The following CCDC152 variants were observed in gnomAD, a reference collection of about 807,000 sequenced individuals.
CCDC152 encodes the protein coiled-coil domain-containing protein 152.
In CCDC152, 37 loss-of-function variants were observed where a neutral mutation model predicts 38.1. That is an observed-to-expected ratio of 0.97 (90% CI 0.75 to 1.28). The LOEUF (loss-of-function observed/expected upper bound fraction) is 1.28, where lower values mean the gene tolerates loss of function less well. CCDC152 is among the 50% of genes most tolerant of loss of function. The pLI is 0.00. For missense variants in CCDC152, 259 were observed against 292.1 expected (o/e 0.89, Z 0.83); for synonymous variants, 83 against 87.1 (o/e 0.95, Z 0.26).
chr5:42,786,897 G>GT (rs1230786274), intron 6 of CCDC152, among the ~76,000 whole-genome samples: 3 of 151,498 alleles, frequency 2.0e-5, no homozygotes, highest in Non-Finnish European at 3.0e-5. Context: ...TTTTGTTGTT[G>GT]TTTTTTACCT....
intron 6 of CCDC152, among the ~76,000 whole-genome samples, chr5:42,786,519 C>T (rs1352626185): frequency 6.6e-6 from 1 of 152,026 alleles, no homozygotes; most frequent in African/African-American, 2.4e-5. Flanking sequence ...ACTTCTGTTT[C>T]TCTCTGTTTT....
intron 6 of CCDC152, among the ~76,000 whole-genome samples, chr5:42,790,446 G>A (rs1759984127): frequency 6.6e-6 from 1 of 152,124 alleles, no homozygotes; most frequent in Non-Finnish European, 1.5e-5. Flanking sequence ...CATTATTACT[G>A]GGACTATAAA....
At chr5:42,796,333 T>C (rs1395041094) in intron 6 of CCDC152, among the ~76,000 whole-genome samples, 1 of 151,762 alleles carries the variant, frequency 6.6e-6, no homozygotes, top group Non-Finnish European at 1.5e-5. Flanking sequence ...AAATAAAAGA[T>C]TTTCTTGAGC....
rs1470528917 is a variant in CCDC152 at position 42,759,180 on chromosome 5, T to A, written c.59T>A (p.Leu20His). Reference protein sequence around the residue: ...KKISSVNLDKLINDFSQIEKK... With the variant: ...KKISSVNLDKHINDFSQIEKK... ...ATTAGCAGTGTGAATCTTGACAAAC[T>A]TATAAATGACTTCTCACAGATAGAA... Residue 20 changes from leucine (L) to histidine (H), a missense_variant, in exon 2 of 9, where the codon CTT (leucine) becomes CAT (histidine). Leu to His is a moderately conservative substitution (Grantham distance 99). Coordinates refer to ENST00000361970, the MANE Select transcript of CCDC152 (RefSeq NM_001134848.2). The A allele has an allele frequency of 6.5e-7, 1 of 1,550,086 alleles. No individual in the cohort carries two copies. Among genetic ancestry groups the A allele is most frequent in the East Asian group, 2.4e-5 (1 of 40,838 alleles).
chr5:42,762,910 T>A (rs1759572678), intron 3 of CCDC152, among the ~76,000 whole-genome samples: 1 of 152,192 alleles, frequency 6.6e-6, no homozygotes, highest in African/African-American at 2.4e-5. Flanking sequence ...AAATGTCAAA[T>A]GTGTCAAAAA....
Position 42,794,849 on chromosome 5 carries a change from TAAGTC to T in CCDC152, c.431-1975_431-1971del, listed in dbSNP as rs556820155. ...AAGTACTAATTTTATTAAATTCTAA[TAAGTC>T]AAGTAGGCATGCCATAAACTCTAAG... On this transcript the variant is annotated intron_variant, in intron 6 of 8. Coordinates refer to ENST00000361970, the MANE Select transcript of CCDC152 (RefSeq NM_001134848.2). Among the ~76,000 whole-genome samples the T allele has an allele frequency of 2.1e-3, 318 of 152,182 alleles. 2 individuals carry two copies. Among genetic ancestry groups the T allele is most frequent in the African/African-American group, 7.2e-3 (301 of 41,536 alleles).
Position 42,784,715 on chromosome 5 carries a change from G to C in CCDC152, c.430+1139G>C, listed in dbSNP as rs151030211. Among the ~76,000 whole-genome samples, 102 of 152,058 alleles carry C rather than the reference G, an allele frequency of 6.7e-4. 1 individual carries two copies. The East Asian group carries it at 0.017, about 25-fold the overall frequency. ...AGAGTTTTTCCTATGTTTTCTTTTA[G>C]GATTTTTATAGTTTAAGGTCTTACA... On this transcript the variant is annotated intron_variant, in intron 6 of 8. Coordinates refer to ENST00000361970, the MANE Select transcript of CCDC152 (RefSeq NM_001134848.2).
chr5:42,760,211 G>A (rs1375814962), intron 2 of CCDC152, among the ~76,000 whole-genome samples: 4 of 151,072 alleles, frequency 2.6e-5, no homozygotes, highest in Non-Finnish European at 5.9e-5. Flanking sequence ...GGCTGACGCA[G>A]GAGAATAGCC....
rs151294671 is a variant in CCDC152, at chr5:42,757,079, C to T, written c.-3+194C>T. On this transcript the variant is annotated intron_variant, in intron 1 of 8. Transcript: ENST00000361970. ...AAGGACGCTAGAAAGCGATTCGAAA[C>T]TCCCGCTTTTTCCATAGAGATGCTT... Among the ~76,000 whole-genome samples, 646 of 150,632 alleles carry T rather than the reference C, an allele frequency of 4.3e-3. 3 individuals carry two copies. Among genetic ancestry groups the T allele is most frequent in the Admixed American group, 7.7e-3 (116 of 15,106 alleles).
At chr5:42,776,637 A>C (rs1288653753) in intron 4 of CCDC152, among the ~76,000 whole-genome samples, 3 of 152,172 alleles carry the variant, frequency 2.0e-5, no homozygotes, top group Non-Finnish European at 2.9e-5. Context: ...CTTAATGAAT[A>C]CTCACCAAGA....
intron 3 of CCDC152, among the ~76,000 whole-genome samples, chr5:42,766,495 A>G (rs1360911673): frequency 1.3e-5 from 2 of 152,240 alleles, no homozygotes; most frequent in African/African-American, 4.8e-5. Context: ...AATAGCCAAG[A>G]TTTGGAAGAA....
chr5:42,765,595 C>G (rs970935224), intron 3 of CCDC152, among the ~76,000 whole-genome samples: 2 of 151,952 alleles, frequency 1.3e-5, no homozygotes, highest in African/African-American at 2.4e-5. Flanking sequence ...AATAGAGAAC[C>G]CATGAACAAA....
chr5:42,785,933 C>G (rs1759914991), intron 6 of CCDC152, among the ~76,000 whole-genome samples: 1 of 152,054 alleles, frequency 6.6e-6, no homozygotes, highest in South Asian at 2.1e-4. Context: ...CATTTATTGA[C>G]TTGCATATAT....
Position 42,783,492 on chromosome 5 carries a change from G to A in CCDC152, c.346G>A (p.Ala116Thr). The A allele has an allele frequency of 1.5e-6, 2 of 1,345,070 alleles. No individual in the cohort carries two copies. The highest frequency in any genetic ancestry group is 1.9e-6 in the Non-Finnish European group (2 of 1,034,516). 83.3% of individuals were successfully genotyped at this position (1,345,070 alleles called of 1,614,324 possible). Residue 116 changes from alanine (A) to threonine (T), a missense_variant, in exon 6 of 9, where the codon GCC becomes ACC. Transcript: ENST00000361970. ...TCTTTAGGAATATAAGAATAATATT[G>A]CCAAACTTGTAAGTGAAATGAAAAT... Reference protein sequence around the residue: ...SHEQEYKNNIAKLVSEMKIKE... With the variant: ...SHEQEYKNNITKLVSEMKIKE...
intron 6 of CCDC152, among the ~76,000 whole-genome samples, chr5:42,794,044 G>C (rs1760040327): frequency 6.6e-6 from 1 of 152,226 alleles, no homozygotes; most frequent in Non-Finnish European, 1.5e-5. Context: ...ACTGGAGATA[G>C]AATTAGTAAG....
chr5:42,792,074 G>T lies in CCDC152; in HGVS notation c.431-4755G>T, dbSNP rs112859566. 7.8e-3 allele frequency among the ~76,000 whole-genome samples: 1,183 copies of T among 152,104 alleles called. 17 individuals are homozygous for T. Among genetic ancestry groups the T allele is most frequent in the African/African-American group, 0.026 (1,072 of 41,490 alleles). ...GCTAGCTTTTACTAGGAAAGAGTGG[G>T]CCACCTCTTCAGACTCCAAGGGCTT... On this transcript the variant is annotated intron_variant, in intron 6 of 8. Transcript: ENST00000361970.
At chr5:42,777,438 G>A (rs1433834311) in intron 4 of CCDC152, among the ~76,000 whole-genome samples, 1 of 151,218 alleles carries the variant, frequency 6.6e-6, no homozygotes. Flanking sequence ...CTCCAGCCTG[G>A]GGGACAAGAG....
At chr5:42,770,001 T>C (rs1044207896) in intron 4 of CCDC152, among the ~76,000 whole-genome samples, 1 of 152,234 alleles carries the variant, frequency 6.6e-6, no homozygotes, top group Non-Finnish European at 1.5e-5. Context: ...ATATTACTAG[T>C]TAAACCATAA....
At chr5:42,796,780 A>C (rs1322796839) in intron 6 of CCDC152, 49 bp from the exon 7 acceptor site, 2 of 1,212,422 alleles carry the variant, frequency 1.6e-6, no homozygotes, top group African/African-American at 3.1e-5. Flanking sequence ...AACTTATAAT[A>C]ATTTTGAAAT....
Sources: allele counts gnomAD v4.1 joint callset (sites outside exome capture counted in the v4.1 genomes callset), GRCh38; gene constraint gnomAD v4.1.1; transcripts MANE v1.5; gene names NCBI Gene and HGNC (gene_info 2026-07-23, HGNC 2026-07-21).